The following CNGB3 variants were observed in gnomAD, a reference collection of about 807,000 sequenced individuals.
CNGB3 encodes the protein cyclic nucleotide gated channel subunit beta 3.
Under a neutral mutation model 92.8 loss-of-function variants are expected in CNGB3, and 86 were observed. The observed-to-expected ratio is 0.93, with a 90% CI of 0.78 to 1.11. CNGB3 has a LOEUF of 1.11. Among genes scored for constraint, CNGB3 ranks in the 50% least tolerant of loss-of-function variants. CNGB3 has a pLI of 0.00. For missense variants in CNGB3, 1,026 were observed against 956.8 expected (o/e 1.07, Z -0.95); for synonymous variants, 333 against 332.7 (o/e 1.00, Z -0.01).
intron 2 of CNGB3, among the ~76,000 whole-genome samples, chr8:86,728,011 A>G (rs1825092931): frequency 6.6e-6 from 1 of 152,142 alleles, no homozygotes; most frequent in African/African-American, 2.4e-5. Flanking sequence ...TCACTCCTTA[A>G]AATTTTTAAA....
At chr8:86,613,263 C>T (rs1454180771) in intron 13 of CNGB3, among the ~76,000 whole-genome samples, 3 of 152,104 alleles carry the variant, frequency 2.0e-5, no homozygotes, top group Non-Finnish European at 4.4e-5. Flanking sequence ...TGATAGGTTA[C>T]CATATTTGCT....
At chr8:86,628,714 C>T (rs927687419) in intron 12 of CNGB3, among the ~76,000 whole-genome samples, 1 of 151,752 alleles carries the variant, frequency 6.6e-6, no homozygotes, top group Non-Finnish European at 1.5e-5. Context: ...AAAATTTAGC[C>T]TTTTCTCTTC....
chr8:86,726,968 T>C lies in CNGB3; in HGVS notation c.212-311A>G, dbSNP rs150898468. Among the ~76,000 whole-genome samples the C allele has an allele frequency of 6.4e-3, 970 of 152,284 alleles. 6 individuals carry two copies. The highest frequency in any genetic ancestry group is 0.02 in the Middle Eastern group (6 of 294). Reference sequence around the variant, plus strand: ...TGTACTTATATCATACAAATCCTGATGTTATAGCCTACCACACACCAAGGC... The same window carrying C: ...TGTACTTATATCATACAAATCCTGACGTTATAGCCTACCACACACCAAGGC... On this transcript the variant is annotated intron_variant, in intron 2 of 17. Transcript: ENST00000320005.
chr8:86,701,183 A>G (rs1161186259), intron 3 of CNGB3, among the ~76,000 whole-genome samples: 1 of 152,192 alleles, frequency 6.6e-6, no homozygotes, highest in Non-Finnish European at 1.5e-5. Context: ...ATTTATGCAC[A>G]TAGTAACTAT....
chr8:86,632,714 G>C (rs1395088183), intron 11 of CNGB3, 38 bp downstream of exon 11: 32 of 1,605,196 alleles, frequency 2.0e-5, no homozygotes, highest in Non-Finnish European at 2.7e-5. Context: ...CTTTCAAAAT[G>C]ACAGCACTGT....
chr8:86,678,569 CACTTGT>C (rs1824020265), intron 3 of CNGB3, among the ~76,000 whole-genome samples: 1 of 152,168 alleles, frequency 6.6e-6, no homozygotes, highest in African/African-American at 2.4e-5. Context: ...ATGGTTCCAA[CACTTGT>C]TTCCACACCC....
chr8:86,609,620 G>T (rs1008807395), intron 14 of CNGB3, among the ~76,000 whole-genome samples: 1 of 152,038 alleles, frequency 6.6e-6, no homozygotes, highest in Non-Finnish European at 1.5e-5. Flanking sequence ...TTATATTACA[G>T]TTCCCAGTAA....
At chr8:86,576,600 C>T (rs1416078598) in intron 17 of CNGB3, among the ~76,000 whole-genome samples, 1 of 152,170 alleles carries the variant, frequency 6.6e-6, no homozygotes, top group Non-Finnish European at 1.5e-5. Context: ...TTATCCCTTT[C>T]CTAGTATGAT....
chr8:86,628,787 A>G (rs1259607177), intron 12 of CNGB3, 132 bp downstream of exon 12: 5 of 998,418 alleles, frequency 5.0e-6, no homozygotes, highest in Non-Finnish European at 7.7e-6. Flanking sequence ...TGTAGCATTA[A>G]ACGAATGCTT....
At chr8:86,607,738 A>G (rs1822438546) in intron 14 of CNGB3, among the ~76,000 whole-genome samples, 1 of 152,170 alleles carries the variant, frequency 6.6e-6, no homozygotes, top group Non-Finnish European at 1.5e-5. Flanking sequence ...AACCAGCCCA[A>G]GCTACCACTC....
chr8:86,673,636 A>G (rs1242172443), intron 3 of CNGB3, among the ~76,000 whole-genome samples: 1 of 152,238 alleles, frequency 6.6e-6, no homozygotes, highest in African/African-American at 2.4e-5. Flanking sequence ...TAGTGAGAGG[A>G]TAGGCTAATG....
At chr8:86,685,854 A>C (rs1292306396) in intron 3 of CNGB3, among the ~76,000 whole-genome samples, 1 of 152,148 alleles carries the variant, frequency 6.6e-6, no homozygotes, top group African/African-American at 2.4e-5. Context: ...GAACATTTAG[A>C]ATACATGGAA....
intron 13 of CNGB3, among the ~76,000 whole-genome samples, chr8:86,621,979 C>G (rs969223580): frequency 4.6e-5 from 7 of 152,000 alleles, no homozygotes; most frequent in African/African-American, 7.3e-5. Flanking sequence ...CCGGGAGGCA[C>G]AGGTTGCAGT....
chr8:86,583,947 G>T (rs1475727988), intron 15 of CNGB3, among the ~76,000 whole-genome samples: 1 of 105,392 alleles, frequency 9.5e-6, no homozygotes, highest in Non-Finnish European at 2.2e-5. Context: ...AAAAAAAAAG[G>T]AATTCCTCCT....
chr8:86,709,043 A>G (rs1824702642), intron 3 of CNGB3, among the ~76,000 whole-genome samples: 1 of 152,190 alleles, frequency 6.6e-6, no homozygotes, highest in South Asian at 2.1e-4. Context: ...TTAAATGTGG[A>G]AAATGCTGCA....
intron 15 of CNGB3, chr8:86,593,788 C>T: frequency 7.5e-7 from 1 of 1,334,206 alleles, no homozygotes; most frequent in South Asian, 1.2e-5. Flanking sequence ...CAATGAGCCC[C>T]TGGTAGTAGG....
intron 7 of CNGB3, among the ~76,000 whole-genome samples, chr8:86,650,831 G>T (rs1823387628): frequency 1.3e-5 from 2 of 149,550 alleles, no homozygotes; most frequent in African/African-American, 2.5e-5. Flanking sequence ...CAAAGGAAAA[G>T]AAGTCATTAT....
chr8:86,694,819 A>G (rs372100255), intron 3 of CNGB3, among the ~76,000 whole-genome samples: 4 of 143,612 alleles, frequency 2.8e-5, no homozygotes, highest in Non-Finnish European at 6.0e-5. Context: ...TTCCAGACTG[A>G]GCAGCCAGGC....
intron 14 of CNGB3, among the ~76,000 whole-genome samples, chr8:86,609,245 GC>G: frequency 6.6e-6 from 1 of 152,164 alleles, no homozygotes; most frequent in Non-Finnish European, 1.5e-5. Flanking sequence ...AATCTCTGTT[GC>G]TACTGGCCCC....
Sources: allele counts gnomAD v4.1 joint callset (sites outside exome capture counted in the v4.1 genomes callset), GRCh38; gene constraint gnomAD v4.1.1; transcripts MANE v1.5; gene names NCBI Gene and HGNC (gene_info 2026-07-23, HGNC 2026-07-21).